Variants in FRMPD2 observed in about 807,000 individuals in gnomAD.
FRMPD2 encodes FERM and PDZ domain containing 2.
A neutral mutation model predicts 140.1 loss-of-function variants in FRMPD2; 96 were observed. That is an observed-to-expected ratio of 0.69 (90% confidence interval 0.58 to 0.81). FRMPD2 has a LOEUF of 0.81. Ranked by LOEUF, FRMPD2 falls within the 40% of genes least tolerant of loss-of-function variation. FRMPD2 has a pLI of 0.00. For missense variants in FRMPD2, 1,240 were observed against 1,447.4 expected (o/e 0.86, Z 2.32); for synonymous variants, 449 against 547.6 (o/e 0.82, Z 2.52).
At chr10:48,202,432 T>C (rs1203138254) in intron 14 of FRMPD2, among the ~76,000 whole-genome samples, 5 of 152,256 alleles carry the variant, frequency 3.3e-5, no homozygotes, top group Admixed American at 3.3e-4. Flanking sequence ...TGCTTTTTCT[T>C]TGAGAAACCC....
chr10:48,262,871 G>A (rs1169240131), intron 1 of FRMPD2, among the ~76,000 whole-genome samples: 1 of 152,038 alleles, frequency 6.6e-6, no homozygotes, highest in East Asian at 1.9e-4. Context: ...CACCTCCTGG[G>A]TTCAAGCAAT....
chr10:48,230,861 A>G (rs1394073348), intron 10 of FRMPD2, among the ~76,000 whole-genome samples: 1 of 152,210 alleles, frequency 6.6e-6, no homozygotes, highest in Non-Finnish European at 1.5e-5. Flanking sequence ...AATTCTAGGA[A>G]CAAGTCTCCT....
At chr10:48,264,954 C>A (rs964270349) in intron 1 of FRMPD2, among the ~76,000 whole-genome samples, 1 of 152,182 alleles carries the variant, frequency 6.6e-6, no homozygotes, top group African/African-American at 2.4e-5. Context: ...AGCTACCCAA[C>A]TTTAAACTAC....
At chr10:48,254,788 G>A (rs193130924) in intron 1 of FRMPD2, among the ~76,000 whole-genome samples, 49 of 152,364 alleles carry the variant, frequency 3.2e-4, no homozygotes, top group African/African-American at 1.1e-3. Context: ...ACACAGCTTG[G>A]ACTTGGGTTT....
chr10:48,244,829 T>C lies in FRMPD2; in HGVS notation c.330A>G (p.Gly110=), dbSNP rs1380434327. ...DASQMHVYSL[G]MTLYWSAGFH... is the part of the protein sequence containing the mutation. Reference sequence around the variant, plus strand: ...ACCCTGCTGACCAGTAGAGGGTCATTCCTAAAGAATAGACATGCATCTGCC... The same window carrying C: ...ACCCTGCTGACCAGTAGAGGGTCATCCCTAAAGAATAGACATGCATCTGCC... Residue 110 remains glycine, a synonymous_variant, in exon 4 of 29, where the codon GGA becomes GGG. Coordinates refer to ENST00000374201, the MANE Select transcript of FRMPD2 (RefSeq NM_001018071.4). 6.2e-7 allele frequency: 1 copy of C among 1,612,908 alleles called. No homozygotes were observed. Among genetic ancestry groups the C allele is most frequent in the East Asian group, 2.2e-5 (1 of 44,886 alleles).
chr10:48,194,363 G>A (rs1462216867), intron 15 of FRMPD2, among the ~76,000 whole-genome samples: 1 of 152,124 alleles, frequency 6.6e-6, no homozygotes, highest in Non-Finnish European at 1.5e-5. Flanking sequence ...GGGATGCTGA[G>A]GACACAAAGA....
chr10:48,232,098 G>A lies in FRMPD2; in HGVS notation c.1168+17C>T, dbSNP rs755524187. The A allele has an allele frequency of 1.2e-6, 2 of 1,613,706 alleles. No homozygotes were observed. Among genetic ancestry groups the A allele is most frequent in the Non-Finnish European group, 8.5e-7 (1 of 1,179,672 alleles). On this transcript the variant is annotated intron_variant, in intron 10 of 28. Transcript: ENST00000374201. ...AGAGGCACCAGGCCAGCTGTGAGCT[G>A]CCCAAGAGATGCTTACTTTTCATAT...
At position 48,274,553 on chromosome 10, in the gene FRMPD2, C is replaced by A; in HGVS notation, c.15G>T (p.Thr5=). Residue 5 remains threonine, a synonymous_variant, in exon 1 of 29, where the codon ACG becomes ACT. Transcript: ENST00000374201. Reference sequence around the variant, plus strand: ...GATGCCAAGGAATACCTGCGTCCTTCGTTAAAGGCTGCATCCAAAAGTCTC... The same window carrying A: ...GATGCCAAGGAATACCTGCGTCCTTAGTTAAAGGCTGCATCCAAAAGTCTC... MQPL[T]KDAGMSLSSV... is the part of the protein sequence containing the mutation. The A allele has an allele frequency of 6.2e-7, 1 of 1,614,086 alleles. No homozygotes were observed. Among genetic ancestry groups the A allele is most frequent in the Non-Finnish European group, 8.5e-7 (1 of 1,179,944 alleles).
chr10:48,198,227 G>A (rs1588823801), intron 15 of FRMPD2, among the ~76,000 whole-genome samples: 1 of 152,238 alleles, frequency 6.6e-6, no homozygotes, highest in East Asian at 1.9e-4. Context: ...GTGCCTGCAT[G>A]CCTAACTCCC....
Position 48,236,496 on chromosome 10 carries a change from G to T in FRMPD2, c.979C>A (p.Pro327Thr), listed in dbSNP as rs1227565035. ...CCAGTAGTTACCACAACCGATCCCG[G>T]CAGATGTAGTGTCATCGGGGCCTCT... The part of the protein sequence containing the change: ...AGEAPMTLHL[P>T]GSVVTKKGKS... Residue 327 changes from proline to threonine, a missense_variant, in exon 9 of 29, where the codon CCG becomes ACG. Around this residue, in one of 6 missense-constraint regions of FRMPD2, gnomAD observed 1,161 missense variants for 1,055.9 expected, o/e 1.10. Coordinates refer to ENST00000374201, the MANE Select transcript of FRMPD2 (RefSeq NM_001018071.4). 6.2e-7 allele frequency: 1 copy of T among 1,614,012 alleles called. No homozygotes were observed. The highest frequency in any genetic ancestry group is 8.5e-7 in the Non-Finnish European group (1 of 1,179,998).
intron 1 of FRMPD2, among the ~76,000 whole-genome samples, chr10:48,256,586 C>A (rs140258145): frequency 2.0e-5 from 3 of 152,184 alleles, no homozygotes; most frequent in South Asian, 2.1e-4. Context: ...CCTGGAGACA[C>A]TCCTGCATTG....
At chr10:48,167,969 C>A (rs1233244002) in intron 27 of FRMPD2, among the ~76,000 whole-genome samples, 1 of 148,374 alleles carries the variant, frequency 6.7e-6, no homozygotes, top group Admixed American at 6.6e-5. Flanking sequence ...CTGCTGGCCT[C>A]CCCTGTAGAA....
At chr10:48,243,849 G>C (rs937430418) in intron 4 of FRMPD2, among the ~76,000 whole-genome samples, 2 of 152,230 alleles carry the variant, frequency 1.3e-5, no homozygotes, top group Non-Finnish European at 2.9e-5. Context: ...AGCCAGGTCA[G>C]CTAGGCAGGG....
At chr10:48,254,121 G>GGGAGATCTACA (rs1840443839) in intron 1 of FRMPD2, among the ~76,000 whole-genome samples, 4 of 152,146 alleles carry the variant, frequency 2.6e-5, no homozygotes, top group African/African-American at 9.6e-5. Flanking sequence ...CTCTACAGAA[G>GGGAGATCTACA]GAAATGTGTG....
Position 48,222,361 on chromosome 10 carries a change from C to G in FRMPD2, c.1407G>C (p.Gln469His). 1 of 1,614,212 alleles carries G rather than the reference C, an allele frequency of 6.2e-7. No individual in the cohort carries two copies. Among genetic ancestry groups the G allele is most frequent in the Non-Finnish European group, 8.5e-7 (1 of 1,180,020 alleles). Residue 469 changes from glutamine to histidine, a missense_variant, in exon 12 of 29, where the codon CAG (glutamine) becomes CAC (histidine). Transcript: ENST00000374201. ...CAGCCTGCAAGGCAAGGACCCCCAG[C>G]TGCAGCAGTATCTCTTCATTGCAGT... is the stretch of plus-strand genomic sequence containing the variant. ...RLYCNEEILL[Q>H]LGVLALQAEF...
chr10:48,195,112 A>G (rs1838921446), intron 15 of FRMPD2, among the ~76,000 whole-genome samples: 2 of 152,224 alleles, frequency 1.3e-5, no homozygotes, highest in African/African-American at 4.8e-5. Flanking sequence ...CAAGGGCCAC[A>G]AGGAAAAGAC....
chr10:48,198,686 A>T (rs1839009408), intron 15 of FRMPD2, among the ~76,000 whole-genome samples: 1 of 152,186 alleles, frequency 6.6e-6, no homozygotes, highest in Non-Finnish European at 1.5e-5. Flanking sequence ...TTATTTTTAC[A>T]ACATTGATTC....
At chr10:48,236,603 TTG>T in intron 8 of FRMPD2, 50 bp from the exon 9 acceptor site, 1 of 1,563,176 alleles carries the variant, frequency 6.4e-7, no homozygotes, top group Non-Finnish European at 8.8e-7. Flanking sequence ...ATTCCAGGCT[TTG>T]GGTCTGGGCT....
chr10:48,188,233 T>A (rs1838738466), intron 16 of FRMPD2, among the ~76,000 whole-genome samples: 1 of 152,138 alleles, frequency 6.6e-6, no homozygotes, highest in African/African-American at 2.4e-5. Context: ...CATGGACAGT[T>A]ACCCATGGAT....
Sources: allele counts gnomAD v4.1 joint callset (sites outside exome capture counted in the v4.1 genomes callset), GRCh38; gene constraint gnomAD v4.1.1; regional missense constraint gnomAD v4.1.1; transcripts MANE v1.5; gene names NCBI Gene and HGNC (gene_info 2026-07-23, HGNC 2026-07-21).